The following TDRKH variants were observed in gnomAD, a reference collection of about 807,000 sequenced individuals.
The protein encoded by TDRKH is tudor and KH domain-containing protein.
Under a neutral mutation model 61.3 loss-of-function variants are expected in TDRKH, and 28 were observed. That is an observed-to-expected ratio of 0.46 (90% CI 0.34 to 0.63). The LOEUF (loss-of-function observed/expected upper bound fraction) is 0.63. TDRKH is among the 20% of genes least tolerant of loss of function. The pLI is 0.01. For synonymous variants in TDRKH, 219 were observed against 244.4 expected, an observed-to-expected ratio of 0.90 and a Z score of 0.97; for missense variants, 540 against 683.4, an observed-to-expected ratio of 0.79 and a Z score of 2.34.
At chr1:151,777,657 A>G (rs890204446) in intron 6 of TDRKH, among the ~76,000 whole-genome samples, 2 of 151,842 alleles carry the variant, frequency 1.3e-5, no homozygotes, top group Admixed American at 1.3e-4. Flanking sequence ...ATGAAAAAAG[A>G]CTTTTTATTG....
chr1:151,774,382 G>A lies in TDRKH; in HGVS notation c.*70C>T. The A allele has an allele frequency of 1.5e-5, 23 of 1,556,312 alleles. No individual in the cohort carries two copies. The highest frequency in any genetic ancestry group is 1.9e-5 in the Non-Finnish European group (22 of 1,135,414). ...CCACTGTCGCCCTCATTACTTTCCTGTTGCTACAGATAGATGATAGCTGCA... is the reference window on the plus strand; with the variant it reads ...CCACTGTCGCCCTCATTACTTTCCTATTGCTACAGATAGATGATAGCTGCA... On this transcript the variant is annotated 3_prime_UTR_variant, in exon 13 of 13. Coordinates refer to ENST00000368824, the MANE Select transcript of TDRKH (RefSeq NM_001083965.2).
At chr1:151,782,863 A>T in intron 2 of TDRKH, 36 bp downstream of exon 2, 1 of 1,523,590 alleles carries the variant, frequency 6.6e-7, no homozygotes, top group South Asian at 1.3e-5. Flanking sequence ...AGCATGTCTG[A>T]ACATTTTCAC....
Position 151,773,917 on chromosome 1 carries a change from T to TAGA in TDRKH, c.*534_*535insTCT. ...ACTTCCAATGACGAAAGCCTGACTG[T>TAGA]TTCCCAGCCTCAAAAAGGATACAGC... is the stretch of plus-strand genomic sequence containing the variant. On this transcript the variant is annotated 3_prime_UTR_variant, in exon 13 of 13. Coordinates refer to ENST00000368824, the MANE Select transcript of TDRKH (RefSeq NM_001083965.2). 2 of 152,462 alleles carry TAGA rather than the reference T, an allele frequency of 1.3e-5. No homozygotes were observed. Among genetic ancestry groups the TAGA allele is most frequent in the Non-Finnish European group, 2.9e-5 (2 of 68,164 alleles). 9.4% of individuals were successfully genotyped at this position (152,462 alleles called of 1,614,324 possible).
chr1:151,769,571 G>A (rs551437020), downstream of TDRKH: 803 of 199,624 alleles, frequency 4.0e-3, 4 homozygotes, highest in Admixed American at 6.0e-3. Context: ...GGGCGGAGAC[G>A]CTCCTCACTT....
chr1:151,769,802 C>T (rs1323571721), downstream of TDRKH, among the ~76,000 whole-genome samples: 6 of 152,248 alleles, frequency 3.9e-5, no homozygotes, highest in East Asian at 1.9e-4. Context: ...ACTGAGTGAA[C>T]GAGGCTCCGT....
At chr1:151,788,797 C>G (rs777492774) in intron 1 of TDRKH, among the ~76,000 whole-genome samples, 11 of 152,194 alleles carry the variant, frequency 7.2e-5, no homozygotes, top group Non-Finnish European at 1.3e-4. Context: ...CTATCAAGAT[C>G]AAGTGCAGAG....
Position 151,778,995 on chromosome 1 carries a change from C to T in TDRKH, c.573G>A (p.Leu191=). 6.2e-7 allele frequency: 1 copy of T among 1,613,862 alleles called. No individual in the cohort carries two copies. Among genetic ancestry groups the T allele is most frequent in the Non-Finnish European group, 8.5e-7 (1 of 1,179,886 alleles). The change falls in exon 6 of 13, where the codon CTG becomes CTA. Residue 191 remains leucine, a synonymous_variant. Coordinates refer to ENST00000368824, the MANE Select transcript of TDRKH (RefSeq NM_001083965.2). ...GTTCTTCATCTTCTGAAACTTTCTCCAGTATCAAATGCTGTGGAAAACAAG... is the reference window on the plus strand; with the variant it reads ...GTTCTTCATCTTCTGAAACTTTCTCTAGTATCAAATGCTGTGGAAAACAAG... ...KEVAAAKHLI[L]EKVSEDEELR... is the part of the protein sequence containing the mutation.
intron 12 of TDRKH, 100 bp from the exon 13 acceptor site, chr1:151,774,604 T>C: frequency 6.3e-7 from 1 of 1,578,726 alleles, no homozygotes; most frequent in South Asian, 1.1e-5. Context: ...TGGTACTCAA[T>C]GACCTGACTA....
At chr1:151,774,525 G>T (rs1477276398) in intron 12 of TDRKH, 21 bp from the exon 13 acceptor site, 17 of 1,613,964 alleles carry the variant, frequency 1.1e-5, no homozygotes, top group Non-Finnish European at 1.4e-5. Context: ...TAAATAAGAA[G>T]GAGAAAGTTA....
downstream of TDRKH, chr1:151,772,094 AT>A (rs1355262907): frequency 2.5e-6 from 1 of 395,600 alleles, no homozygotes; most frequent in Non-Finnish European, 4.4e-6. Context: ...TGGGACTGAG[AT>A]TTTTCTTTTC....
chr1:151,788,540 T>G (rs190182693), intron 1 of TDRKH, among the ~76,000 whole-genome samples: 2 of 152,208 alleles, frequency 1.3e-5, no homozygotes, highest in African/African-American at 4.8e-5. Flanking sequence ...TTATGGGGCA[T>G]AGAAATCACA....
At chr1:151,768,741 A>G (rs1231098669), downstream of TDRKH, among the ~76,000 whole-genome samples, 1 of 152,188 alleles carries the variant, frequency 6.6e-6, no homozygotes, top group Non-Finnish European at 1.5e-5. Context: ...TCATAGGACA[A>G]TAGTGGAGGG....
chr1:151,789,099 G>C (rs1173698491), intron 1 of TDRKH, among the ~76,000 whole-genome samples: 1 of 152,174 alleles, frequency 6.6e-6, no homozygotes, highest in Non-Finnish European at 1.5e-5. Flanking sequence ...ACCCAGGATG[G>C]AATGCAGTGA....
downstream of TDRKH, chr1:151,767,528 CAA>C: frequency 1.1e-6 from 1 of 898,540 alleles, no homozygotes; most frequent in Non-Finnish European, 1.6e-6. Flanking sequence ...GGAGTGGGGA[CAA>C]AGGTAAAACA....
In TDRKH at chr1:151,774,302, T is replaced by C. The variant is rs1648939355; in HGVS notation, c.*150A>G. Reference sequence around the variant, plus strand: ...GCAAGTTAAGCTGCAGGAAAGCAGCTGCAGAGAAGTATATTAAGACAGGGC... The same window carrying C: ...GCAAGTTAAGCTGCAGGAAAGCAGCCGCAGAGAAGTATATTAAGACAGGGC... On this transcript the variant is annotated 3_prime_UTR_variant, in exon 13 of 13. Transcript: ENST00000368824. 1 of 717,752 alleles carries C rather than the reference T, an allele frequency of 1.4e-6. No individual in the cohort carries two copies. The highest frequency in any genetic ancestry group is 2.8e-5 in the East Asian group (1 of 36,096). 44.5% of individuals were successfully genotyped at this position (717,752 alleles called of 1,614,324 possible).
At chr1:151,769,883 G>A (rs969650825), downstream of TDRKH, among the ~76,000 whole-genome samples, 1 of 152,230 alleles carries the variant, frequency 6.6e-6, no homozygotes, top group African/African-American at 2.4e-5. Flanking sequence ...GACCAGCCCG[G>A]CCAACACAGC....
At chr1:151,767,944 G>A (rs12066445), downstream of TDRKH, 422,633 of 1,323,092 alleles carry the variant, frequency 0.32, 69,368 homozygotes, top group Middle Eastern at 0.44. Flanking sequence ...TAAGATCTTG[G>A]CTCCAATTCT....
intron 9 of TDRKH, 105 bp from the exon 10 acceptor site, chr1:151,775,648 TGGTTG>T: frequency 2.0e-6 from 3 of 1,517,850 alleles, no homozygotes; most frequent in Non-Finnish European, 2.7e-6. Context: ...GTGTCTTCTC[TGGTTG>T]GGTTGGGTCT....
chr1:151,771,128 A>G (rs541587128), downstream of TDRKH: 14 of 1,612,762 alleles, frequency 8.7e-6, 1 homozygote, highest in African/African-American at 9.3e-5. Flanking sequence ...GTCAGACCAG[A>G]TCACCCTGCC....
Sources: allele counts gnomAD v4.1 joint callset (sites outside exome capture counted in the v4.1 genomes callset), GRCh38; gene constraint gnomAD v4.1.1; transcripts MANE v1.5; gene names NCBI Gene and HGNC (gene_info 2026-07-23, HGNC 2026-07-21).